TIAM1: variants seen among roughly 807,000 people sequenced by gnomAD.
The protein encoded by TIAM1 is TIAM Rac1 associated GEF 1, also known as rho guanine nucleotide exchange factor TIAM1.
A neutral mutation model predicts 163.5 loss-of-function variants in TIAM1; 65 were observed. The observed-to-expected ratio is 0.40, with a 90% CI of 0.33 to 0.49. TIAM1 has a LOEUF of 0.49. TIAM1 is among the 20% of genes least tolerant of loss of function. The pLI is 0.77. For missense variants in TIAM1, 1,789 were observed against 2,044.7 expected, an observed-to-expected ratio of 0.87 and a Z score of 2.41; for synonymous variants, 833 against 810.1, an observed-to-expected ratio of 1.03 and a Z score of -0.48.
rs71193103 is a variant in TIAM1, at chr21:31,353,835, C to CTTTTTTTTTTTTTTTTTTT, written c.-368-14432_-368-14414dup. 9.8e-5 allele frequency among the ~76,000 whole-genome samples: 7 copies of CTTTTTTTTTTTTTTTTTTT among 71,234 alleles called. 1 individual carries two copies. The highest frequency in any genetic ancestry group is 1.5e-4 in the Non-Finnish European group (6 of 40,946). 46.7% of individuals were successfully genotyped at this position (71,234 alleles called of 152,430 possible). A position where few individuals can be genotyped will look rare whatever the true frequency, so the allele number is the denominator to read the frequency against. On this transcript the variant is annotated intron_variant, in intron 2 of 28. Transcript: ENST00000286827. Reference sequence around the variant, plus strand: ...TGTTTTTATTTATTTATTTATTTATCTTTTTTTTTTTTTTTTTTTTTGAGA... The same window carrying CTTTTTTTTTTTTTTTTTTT: ...TGTTTTTATTTATTTATTTATTTATCTTTTTTTTTTTTTTTTTTTTTTTTTTTTTTTTTTTTTTTTGAGA...
intron 16 of TIAM1, among the ~76,000 whole-genome samples, chr21:31,157,724 G>A (rs1244433241): frequency 6.6e-6 from 1 of 151,914 alleles, no homozygotes; most frequent in Admixed American, 6.6e-5. Flanking sequence ...GAAAACCCAC[G>A]AAGACCTGGA....
intron 15 of TIAM1, among the ~76,000 whole-genome samples, chr21:31,171,116 A>G (rs892966582): frequency 6.6e-6 from 1 of 151,552 alleles, no homozygotes; most frequent in African/African-American, 2.4e-5. Context: ...GCCATTGCGG[A>G]CAAGTGAGAA....
chr21:31,525,756 A>G (rs115241272), intron 1 of TIAM1, among the ~76,000 whole-genome samples: 11,654 of 152,122 alleles, frequency 0.077, 1,220 homozygotes, highest in African/African-American at 0.23. Flanking sequence ...ATCCGACGCC[A>G]GGCACGGGGG....
chr21:31,489,487 A>AG (rs2046387800), intron 1 of TIAM1, among the ~76,000 whole-genome samples: 1 of 126,556 alleles, frequency 7.9e-6, no homozygotes, highest in Non-Finnish European at 1.6e-5. Context: ...AGATGAAAGA[A>AG]AGAGAGAGAG....
At chr21:31,487,624 C>T (rs1320992669) in intron 1 of TIAM1, among the ~76,000 whole-genome samples, 1 of 148,460 alleles carries the variant, frequency 6.7e-6, no homozygotes, top group Non-Finnish European at 1.5e-5. Context: ...GTGGCGCAAT[C>T]TCGGCTCACT....
upstream of TIAM1, among the ~76,000 whole-genome samples, chr21:31,346,596 G>A (rs975080040): frequency 6.6e-5 from 10 of 152,168 alleles, no homozygotes; most frequent in African/African-American, 2.4e-4. Context: ...GGTGTGCAGC[G>A]AGAGATGTGA....
At chr21:31,245,869 G>T (rs937785378) in intron 5 of TIAM1, among the ~76,000 whole-genome samples, 24 of 152,294 alleles carry the variant, frequency 1.6e-4, no homozygotes, top group Admixed American at 1.6e-3. Flanking sequence ...TTCTCAGCCT[G>T]CCCGGGTTTC....
At chr21:31,167,280 CA>C (rs1329885119) in intron 15 of TIAM1, among the ~76,000 whole-genome samples, 4 of 151,830 alleles carry the variant, frequency 2.6e-5, no homozygotes, top group Non-Finnish European at 5.9e-5. Context: ...TTAGTAGAGA[CA>C]GGGTTTCACC....
At chr21:31,438,063 G>A (rs997820823) in intron 2 of TIAM1, among the ~76,000 whole-genome samples, 6 of 151,854 alleles carry the variant, frequency 4.0e-5, no homozygotes, top group African/African-American at 1.2e-4. Flanking sequence ...CATGAATGGA[G>A]CAGCTACCCT....
At chr21:31,460,652 T>C (rs953795541) in intron 2 of TIAM1, among the ~76,000 whole-genome samples, 3 of 152,256 alleles carry the variant, frequency 2.0e-5, no homozygotes, top group East Asian at 3.9e-4. Context: ...AAGGAAGTGC[T>C]ACTGTTGAAG....
intron 23 of TIAM1, among the ~76,000 whole-genome samples, chr21:31,131,496 A>C (rs1204411761): frequency 1.3e-5 from 2 of 152,222 alleles, no homozygotes; most frequent in Non-Finnish European, 2.9e-5. Flanking sequence ...GCTCTCTAGG[A>C]GTGGTAAACA....
rs138034109 is a variant in TIAM1, at chr21:31,182,445, G to A, written c.2863C>T (p.Leu955Phe). 1.9e-5 allele frequency: 31 copies of A among 1,591,942 alleles called. No individual in the cohort carries two copies. The highest frequency in any genetic ancestry group is 2.5e-5 in the Non-Finnish European group (29 of 1,169,796). Residue 955 changes from leucine to phenylalanine, a missense_variant, in exon 15 of 28, where the codon CTC becomes TTC. Coordinates refer to ENST00000541036, the MANE Select transcript of TIAM1 (RefSeq NM_001353694.2). ...CCTGGGTTGCTGGTGAGAAAGGCGA[G>A]GGGGCTCTCGCCAAGGTCGGCAGGG... ...DGPADLGESPLAFLTSNPGHS... is the reference protein window; with the variant it reads ...DGPADLGESPFAFLTSNPGHS...
Position 31,120,336 on chromosome 21 carries a change from T to TAC in TIAM1, c.*30_*31dup, listed in dbSNP as rs756242635. The TAC allele has an allele frequency of 8.9e-6, 14 of 1,568,354 alleles. No individual in the cohort carries two copies. The highest frequency in any genetic ancestry group is 1.1e-5 in the Non-Finnish European group (13 of 1,155,160). ...GGGCAGAGTTAGGGCAGGAAGTATCTACACACATTCTCTACGGGGCAGGTG... is the reference window on the plus strand; with the variant it reads ...GGGCAGAGTTAGGGCAGGAAGTATCTACACACACATTCTCTACGGGGCAGGTG... On this transcript the variant is annotated 3_prime_UTR_variant, in exon 28 of 28. Transcript: ENST00000541036. The surrounding 1 kb of genome is among the most constrained non-coding windows in gnomAD (Gnocchi z 4.2).
At chr21:31,197,341 ATGT>A (rs2146503080) in intron 12 of TIAM1, among the ~76,000 whole-genome samples, 1 of 152,168 alleles carries the variant, frequency 6.6e-6, no homozygotes, top group South Asian at 2.1e-4. Context: ...CACATCATAA[ATGT>A]TGTTTAAATT....
At chr21:31,168,067 G>A (rs911366752) in intron 15 of TIAM1, among the ~76,000 whole-genome samples, 1 of 151,646 alleles carries the variant, frequency 6.6e-6, no homozygotes, top group Non-Finnish European at 1.5e-5. Flanking sequence ...AAGGAATACA[G>A]CAGGTTTCTT....
intron 2 of TIAM1, among the ~76,000 whole-genome samples, chr21:31,359,818 AAGGAAGGAAG>A (rs2076376057): frequency 1.4e-5 from 1 of 73,322 alleles, no homozygotes; most frequent in Non-Finnish European, 2.8e-5. Context: ...GGAAGGAAGG[AAGGAAGGAAG>A]GAAGGAAGGA....
At chr21:31,222,688 TATATATATATA>T (rs2087636742) in intron 8 of TIAM1, among the ~76,000 whole-genome samples, 2 of 34,006 alleles carry the variant, frequency 5.9e-5, no homozygotes, top group Admixed American at 3.2e-4. Context: ...TATATATATA[TATATATATATA>T]TATATATATT....
chr21:31,191,794 A>AT (rs1485719457), intron 13 of TIAM1, among the ~76,000 whole-genome samples: 1 of 152,232 alleles, frequency 6.6e-6, no homozygotes, highest in Non-Finnish European at 1.5e-5. Context: ...AACAAAAAGT[A>AT]TTAAAATGTA....
At chr21:31,450,759 A>G (rs779945677) in intron 2 of TIAM1, among the ~76,000 whole-genome samples, 1 of 152,152 alleles carries the variant, frequency 6.6e-6, no homozygotes, top group Admixed American at 6.5e-5. Context: ...CAGGCAAGAG[A>G]GAGAATGAGA....
Sources: allele counts gnomAD v4.1 joint callset (sites outside exome capture counted in the v4.1 genomes callset), GRCh38; gene constraint gnomAD v4.1.1; non-coding constraint Gnocchi (gnomAD v3.1); transcripts MANE v1.5; gene names NCBI Gene and HGNC (gene_info 2026-07-23, HGNC 2026-07-21).